Variants in SUCO observed in about 807,000 individuals in gnomAD.
SUCO encodes SUN domain-containing ossification factor.
SUCO carries 57 observed loss-of-function variants against 148.1 expected under a neutral mutation model. The observed-to-expected ratio is 0.38, with a 90% CI of 0.31 to 0.48. SUCO has a LOEUF of 0.48. Among genes scored for constraint, SUCO ranks in the 20% least tolerant of loss-of-function variants. SUCO has a pLI of 0.96. For missense variants in SUCO, 1,331 were observed against 1,468.2 expected (o/e 0.91, Z 1.53); for synonymous variants, 470 against 502.7 (o/e 0.93, Z 0.87).
chr1:172,610,218 G>T lies in SUCO; in HGVS notation c.3724G>T (p.Val1242Leu). The stretch of plus-strand genomic sequence containing the variant: ...AATCAAAGGAAACAAAGAGATCACC[G>T]TGGGAACATTTGGTGTTACAGCAGT... ...DIIKGNKEIT[V>L]GTFGVTAVSG... The change falls in exon 24 of 24, where the codon GTG becomes TTG. Residue 1242 changes from valine (V) to leucine (L), a missense_variant. Physicochemically the swap from Val to Leu is conservative, Grantham distance 32 (BLOSUM62 1). Around this residue, in one of 3 missense-constraint regions of SUCO, gnomAD observed 334 missense variants for 352.3 expected, o/e 0.95. Transcript: ENST00000263688. The T allele has an allele frequency of 6.2e-7, 1 of 1,608,398 alleles. No homozygotes were observed.
rs762986915 is a variant in SUCO, at chr1:172,557,704, A to G, written c.642A>G (p.Lys214=). ...SSSHGKGKIT[K]SEFESKVSAS... The stretch of plus-strand genomic sequence containing the variant: ...CACATGGTAAAGGAAAGATAACAAA[A>G]TCAGAATTTGAATCAAAAGTTTCAG... The change falls in exon 6 of 24, where the codon AAA becomes AAG. Residue 214 remains lysine, a synonymous_variant. Transcript: ENST00000263688. 1 of 1,613,436 alleles carries G rather than the reference A, an allele frequency of 6.2e-7. No homozygotes were observed. The highest frequency in any genetic ancestry group is 1.3e-5 in the African/African-American group (1 of 75,022).
intron 6 of SUCO, among the ~76,000 whole-genome samples, chr1:172,566,000 G>T (rs1251567651): frequency 1.3e-5 from 2 of 152,208 alleles, no homozygotes; most frequent in African/African-American, 4.8e-5. Flanking sequence ...CTTCATCCAG[G>T]TTCCCTCATC....
chr1:172,595,234 A>G (rs185239898), intron 19 of SUCO, among the ~76,000 whole-genome samples: 5 of 152,076 alleles, frequency 3.3e-5, no homozygotes, highest in Admixed American at 2.6e-4. Flanking sequence ...TGACTATCCA[A>G]TTTGCCAGTC....
intron 1 of SUCO, among the ~76,000 whole-genome samples, chr1:172,540,985 T>G (rs1652410051): frequency 6.6e-6 from 1 of 152,140 alleles, no homozygotes; most frequent in Non-Finnish European, 1.5e-5. Flanking sequence ...AGAACATTAT[T>G]TTGACATAAT....
In SUCO at chr1:172,589,931, G is replaced by A; in HGVS notation, c.2825+5G>A. 1 of 1,513,654 alleles carries A rather than the reference G, an allele frequency of 6.6e-7. No homozygotes were observed. The highest frequency in any genetic ancestry group is 8.8e-7 in the Non-Finnish European group (1 of 1,142,222). The allele number at this position is 1,513,654 out of a possible 1,614,324, so 93.8% of individuals were successfully genotyped here. A position where few individuals can be genotyped will look rare whatever the true frequency, so the allele number is the denominator to read the frequency against. On this transcript the variant is annotated splice_donor_5th_base_variant and intron_variant, in intron 18 of 23. Transcript: ENST00000263688. ...TCTGGAGGAGCTTAGCCAAAGGTAA[G>A]CTTTATTATGAATTAGCACAGTCAG...
Position 172,555,866 on chromosome 1 carries a change from CAG to C in SUCO, c.289-1_289del. The C allele has an allele frequency of 6.3e-7, 1 of 1,585,608 alleles. No homozygotes were observed. The highest frequency in any genetic ancestry group is 8.6e-7 in the Non-Finnish European group (1 of 1,166,990). ...AATTTAGCTGACTTGTTTTTTTAAA[CAG>C]AATACAGAGTCAAAAAAGTTAAGTC... is the stretch of plus-strand genomic sequence containing the variant. On this transcript the variant is annotated splice_acceptor_variant, in intron 3 of 23. Transcript: ENST00000263688. LOFTEE classifies it high-confidence loss of function.
chr1:172,596,861 G>A (rs547017463), intron 19 of SUCO, among the ~76,000 whole-genome samples: 1 of 152,336 alleles, frequency 6.6e-6, no homozygotes, highest in African/African-American at 2.4e-5. Context: ...GCTGCCTTTT[G>A]TTCAGCTATG....
chr1:172,595,382 C>CTCTCTGTCTG (rs1276286790), intron 19 of SUCO, among the ~76,000 whole-genome samples: 1 of 152,200 alleles, frequency 6.6e-6, no homozygotes, highest in Non-Finnish European at 1.5e-5. Context: ...CCTTGATGGT[C>CTCTCTGTCTG]TTTACAATTT....
intron 9 of SUCO, among the ~76,000 whole-genome samples, chr1:172,572,727 G>C (rs201874253): frequency 5.6e-4 from 38 of 68,186 alleles, no homozygotes; most frequent in Non-Finnish European, 1.0e-3. Context: ...AAAAAAAAAA[G>C]AATAAGGGGG....
At chr1:172,581,108 A>G (rs1158078030) in intron 15 of SUCO, among the ~76,000 whole-genome samples, 1 of 152,088 alleles carries the variant, frequency 6.6e-6, no homozygotes, top group Non-Finnish European at 1.5e-5. Context: ...TCAAAAACAA[A>G]ACAAAACAAA....
intron 20 of SUCO, among the ~76,000 whole-genome samples, chr1:172,600,554 A>G (rs905656605): frequency 1.3e-5 from 2 of 152,180 alleles, no homozygotes. Context: ...TGCGAGCTGT[A>G]CACTCCTAGG....
Position 172,589,249 on chromosome 1 carries a change from A to G in SUCO, c.2148A>G (p.Val716=), listed in dbSNP as rs1197097783. 1.2e-6 allele frequency: 2 copies of G among 1,613,926 alleles called. No homozygotes were observed. Among genetic ancestry groups the G allele is most frequent in the African/African-American group, 1.3e-5 (1 of 75,026 alleles). The change falls in exon 18 of 24, where the codon GTA becomes GTG. Residue 716 remains valine, a synonymous_variant. Transcript: ENST00000263688. ...AGGATGACTTGGTGAATCACACTGT[A>G]GATGCAGTTGAACTTGAACCAAGCC... ...MHQDDLVNHT[V]DAVELEPSHS...
At chr1:172,601,127 A>G (rs1329912688) in intron 20 of SUCO, among the ~76,000 whole-genome samples, 1 of 152,208 alleles carries the variant, frequency 6.6e-6, no homozygotes, top group Non-Finnish European at 1.5e-5. Context: ...GAAGCTCTCC[A>G]TTTGTTGCTT....
At chr1:172,558,135 T>G (rs1423338183) in intron 6 of SUCO, among the ~76,000 whole-genome samples, 3 of 152,252 alleles carry the variant, frequency 2.0e-5, no homozygotes, top group African/African-American at 7.2e-5. Flanking sequence ...TAATTACATT[T>G]AATTATCTTC....
intron 1 of SUCO, among the ~76,000 whole-genome samples, chr1:172,548,960 A>T (rs1345439388): frequency 6.6e-6 from 1 of 151,842 alleles, no homozygotes; most frequent in Non-Finnish European, 1.5e-5. Flanking sequence ...TTCTCTTTCC[A>T]CCTGTAGCTT....
At chr1:172,584,984 A>C (rs1396946679) in intron 15 of SUCO, 34 bp from the exon 16 acceptor site, 12 of 1,339,172 alleles carry the variant, frequency 9.0e-6, no homozygotes, top group Non-Finnish European at 1.3e-5. Flanking sequence ...ATATTTAGGT[A>C]TTTGGTACTT....
At chr1:172,569,933 C>G in intron 7 of SUCO, 114 bp from the exon 8 acceptor site, 1 of 1,011,942 alleles carries the variant, frequency 9.9e-7, no homozygotes, top group Non-Finnish European at 1.3e-6. Flanking sequence ...GTGTTAAAAC[C>G]TATTCTTTTC....
In SUCO at chr1:172,547,762, A is replaced by G. The variant is rs553654327; in HGVS notation, c.63-3750A>G. 8.3e-4 allele frequency among the ~76,000 whole-genome samples: 126 copies of G among 152,276 alleles called. 1 individual carries two copies. The South Asian group carries it at 0.015, about 18-fold the overall frequency. Reference sequence around the variant, plus strand: ...AAAAAAGACATTGGATTAATTGACAAAATTGCAATGTGGACAGTAAATTTT... The same window carrying G: ...AAAAAAGACATTGGATTAATTGACAGAATTGCAATGTGGACAGTAAATTTT... On this transcript the variant is annotated intron_variant, in intron 1 of 23. Coordinates refer to ENST00000263688, the MANE Select transcript of SUCO (RefSeq NM_014283.5).
intron 19 of SUCO, 59 bp downstream of exon 19, chr1:172,591,130 T>A: frequency 5.4e-6 from 7 of 1,295,902 alleles, no homozygotes. Context: ...TTCTGTAGGG[T>A]CTCACTGGTA....
Sources: allele counts gnomAD v4.1 joint callset (sites outside exome capture counted in the v4.1 genomes callset), GRCh38; gene constraint gnomAD v4.1.1; regional missense constraint gnomAD v4.1.1; transcripts MANE v1.5; gene names NCBI Gene and HGNC (gene_info 2026-07-23, HGNC 2026-07-21).